RMST: variants seen among roughly 807,000 people sequenced by gnomAD.
RMST encodes the protein rhabdomyosarcoma 2 associated transcript, also known as long intergenic non-protein coding RNA 54.
At chr12:97,478,930 A>G (rs1874879223) in intron 5 of RMST, among the ~76,000 whole-genome samples, 1 of 152,080 alleles carries the variant, frequency 6.6e-6, no homozygotes, top group African/African-American at 2.4e-5. Context: ...AGCAGCCTCT[A>G]GTAGAGCTGT....
intron 10 of RMST, among the ~76,000 whole-genome samples, chr12:97,529,205 T>C (rs1306522139): frequency 6.6e-6 from 1 of 152,096 alleles, no homozygotes; most frequent in East Asian, 1.9e-4. Context: ...GTTTCAGGAA[T>C]CCCTAAATCA....
At chr12:97,482,711 AT>A (rs1593148226) in intron 5 of RMST, among the ~76,000 whole-genome samples, 3 of 65,662 alleles carry the variant, frequency 4.6e-5, no homozygotes, top group East Asian at 3.2e-4. Flanking sequence ...AAATAAATTT[AT>A]ATTATTTATT....
intron 11 of RMST, among the ~76,000 whole-genome samples, chr12:97,543,489 T>C (rs1762781231): frequency 6.6e-6 from 1 of 152,068 alleles, no homozygotes; most frequent in Non-Finnish European, 1.5e-5. Context: ...CTATATATGA[T>C]AATGAATACA....
chr12:97,531,619 G>A (rs529952850), intron 11 of RMST, among the ~76,000 whole-genome samples: 12 of 152,088 alleles, frequency 7.9e-5, no homozygotes, highest in African/African-American at 2.9e-4. Flanking sequence ...TACAAAGAGG[G>A]AGGAAGAGGT....
At chr12:97,470,462 G>A (rs1393949246) in intron 5 of RMST, among the ~76,000 whole-genome samples, 3 of 151,988 alleles carry the variant, frequency 2.0e-5, no homozygotes. Flanking sequence ...GGAAGAGAAT[G>A]ACAATGGAGG....
At chr12:97,563,613 C>A in intron 13 of RMST, 1 of 356,866 alleles carries the variant, frequency 2.8e-6, no homozygotes, top group Non-Finnish European at 5.4e-6. Context: ...CTGAGTGTCT[C>A]TTGGTCTTGT....
At chr12:97,562,454 C>T (rs1196723933) in intron 13 of RMST, among the ~76,000 whole-genome samples, 4 of 146,498 alleles carry the variant, frequency 2.7e-5, no homozygotes, top group African/African-American at 1.0e-4. Context: ...GGTAGAGGAG[C>T]GGTGGGGGTT....
intron 5 of RMST, among the ~76,000 whole-genome samples, chr12:97,482,344 G>A (rs1593146298): frequency 6.6e-6 from 1 of 152,240 alleles, no homozygotes; most frequent in East Asian, 1.9e-4. Context: ...GAGTGTGACT[G>A]TGTTCCAGTA....
chr12:97,540,509 A>G (rs1882417039), intron 11 of RMST, among the ~76,000 whole-genome samples: 1 of 151,792 alleles, frequency 6.6e-6, no homozygotes, highest in African/African-American at 2.4e-5. Flanking sequence ...ACACACTTGG[A>G]TTAATGCAAA....
chr12:97,526,162 G>T (rs12315884), intron 10 of RMST, among the ~76,000 whole-genome samples: 2 of 151,760 alleles, frequency 1.3e-5, no homozygotes, highest in East Asian at 1.9e-4. Flanking sequence ...AATGTAATGC[G>T]CTTGAATCAT....
intron 5 of RMST, among the ~76,000 whole-genome samples, chr12:97,474,018 G>T (rs1874231116): frequency 6.6e-6 from 1 of 152,064 alleles, no homozygotes; most frequent in Admixed American, 6.6e-5. Flanking sequence ...GGGAAGGGAA[G>T]AATTGGCTAA....
exon 13 of RMST, chr12:97,560,877 C>G (rs1442583511): frequency 6.6e-6 from 1 of 152,238 alleles, no homozygotes; most frequent in Admixed American, 6.5e-5. Context: ...AAAGAATGCA[C>G]TCGGAGCCCC....
At chr12:97,463,546 GGA>G (rs1491556606) in intron 4 of RMST, among the ~76,000 whole-genome samples, 3 of 152,036 alleles carry the variant, frequency 2.0e-5, no homozygotes, top group African/African-American at 7.2e-5. Flanking sequence ...ATTTATATCT[GGA>G]AAAAAATTCT....
intron 10 of RMST, among the ~76,000 whole-genome samples, chr12:97,501,197 A>G (rs1302605259): frequency 1.3e-5 from 2 of 152,186 alleles, no homozygotes; most frequent in East Asian, 3.9e-4. Flanking sequence ...ATTTAATTTC[A>G]ATATTTACCA....
chr12:97,488,389 A>G (rs530453297), intron 5 of RMST, among the ~76,000 whole-genome samples: 1 of 152,054 alleles, frequency 6.6e-6, no homozygotes, highest in South Asian at 2.1e-4. Context: ...TTTTCAGTCT[A>G]CTCTCTTTGT....
chr12:97,517,437 A>G (rs568918863), intron 10 of RMST, among the ~76,000 whole-genome samples: 1 of 152,080 alleles, frequency 6.6e-6, no homozygotes, highest in African/African-American at 2.4e-5. Context: ...GGAAAGCCCT[A>G]TCTTCACTTC....
chr12:97,485,028 G>A (rs1875915179), intron 5 of RMST, among the ~76,000 whole-genome samples: 1 of 152,180 alleles, frequency 6.6e-6, no homozygotes, highest in Non-Finnish European at 1.5e-5. Flanking sequence ...TGATATGTTA[G>A]AATGTGGAAA....
chr12:97,556,731 G>A (rs1407096067), intron 11 of RMST, among the ~76,000 whole-genome samples: 1 of 152,066 alleles, frequency 6.6e-6, no homozygotes, highest in Non-Finnish European at 1.5e-5. Context: ...CATGTTCATG[G>A]GCAAACAGCC....
intron 11 of RMST, among the ~76,000 whole-genome samples, chr12:97,551,200 C>A (rs1883286228): frequency 6.7e-6 from 1 of 149,298 alleles, no homozygotes; most frequent in South Asian, 2.1e-4. Flanking sequence ...AGACCAAGTT[C>A]TGTTTCATTT....
Sources: gnomAD v4.1 joint callset for allele counts (sites outside exome capture counted in the v4.1 genomes callset) on GRCh38, gnomAD v4.1.1 for gene constraint, MANE v1.5 for transcripts, NCBI Gene and HGNC (gene_info 2026-07-23, HGNC 2026-07-21) for gene names.